BBS1: variants seen among roughly 807,000 people sequenced by gnomAD.
BBS1 encodes the protein Bardet-Biedl syndrome 1.
A neutral mutation model predicts 73.9 loss-of-function variants in BBS1; 60 were observed. The ratio of observed to expected loss-of-function variants is 0.81; its 90% CI spans 0.66 to 1.01. The LOEUF (loss-of-function observed/expected upper bound fraction) is 1.01, where lower values mean the gene tolerates loss of function less well. Ranked by LOEUF, BBS1 falls within the 50% of genes least tolerant of loss-of-function variation. The probability of loss-of-function intolerance (pLI) is 0.00; values close to 1 mark genes in which losing one functional copy is unlikely to be tolerated. For missense variants in BBS1, 718 were observed against 770.3 expected, an observed-to-expected ratio of 0.93 and a Z score of 0.80; for synonymous variants, 283 against 317.4, an observed-to-expected ratio of 0.89 and a Z score of 1.15.
In BBS1 at chr11:66,529,900, G is replaced by C. The variant is rs1467221990; in HGVS notation, c.1421G>C (p.Ser474Thr). 6.2e-7 allele frequency: 1 copy of C among 1,607,564 alleles called. No homozygotes were observed. Among genetic ancestry groups the C allele is most frequent in the Non-Finnish European group, 8.5e-7 (1 of 1,179,888 alleles). Reference protein sequence around the residue: ...ARAYLQALESSLSPLSTTARE... With the variant: ...ARAYLQALESTLSPLSTTARE... ...GCCTACCTGCAGGCCCTCGAGTCCA[G>C]CCTGAGCCCCCTGTCCACGACAGCC... The change falls in exon 14 of 17, where the codon AGC (serine) becomes ACC (threonine). Residue 474 changes from serine (S) to threonine (T), a missense_variant. Physicochemically the swap from Ser to Thr is moderately conservative, Grantham distance 58. Coordinates refer to ENST00000318312, the MANE Select transcript of BBS1 (RefSeq NM_024649.5).
intron 3 of BBS1, among the ~76,000 whole-genome samples, chr11:66,512,020 G>GTGTATATATATGTATATATA (rs1329157159): frequency 2.1e-5 from 3 of 143,284 alleles, no homozygotes; most frequent in African/African-American, 5.2e-5. Context: ...ATATATATAT[G>GTGTATATATATGTATATATA]TGTATATATA....
Position 66,521,254 on chromosome 11 carries a change from C to T in BBS1, c.724-16C>T, listed in dbSNP as rs141332689. The T allele has an allele frequency of 5.7e-4, 921 of 1,602,014 alleles. 2 individuals are homozygous for T. The highest frequency in any genetic ancestry group is 1.0e-3 in the Middle Eastern group (6 of 5,964). ...GGCTCCAGAGAAATTGGAGTGTTTG[C>T]GCTTCTTGTTTGCAGATGAGCCTTC... On this transcript the variant is annotated splice_polypyrimidine_tract_variant and intron_variant, in intron 8 of 16. Coordinates refer to ENST00000318312, the MANE Select transcript of BBS1 (RefSeq NM_024649.5).
intron 11 of BBS1, 152 bp downstream of exon 11, chr11:66,524,034 C>T (rs574584475): frequency 8.7e-7 from 1 of 1,151,338 alleles, no homozygotes; most frequent in Admixed American, 2.0e-5. Flanking sequence ...AATCCCAGCA[C>T]TTTGGGAGGC....
Position 66,526,158 on chromosome 11 carries a change from G to A in BBS1, c.1146G>A (p.Gly382=). The change falls in exon 12 of 17, where the codon GGG becomes GGA. Residue 382 remains glycine, a synonymous_variant. Transcript: ENST00000318312. ...AVTSLCFGRY[G]REDNTLIMTT... ...CCAGCCTTTGCTTTGGCCGGTACGG[G>A]CGGGAGGACAACACCCTCATCATGA... 1 of 1,614,200 alleles carries A rather than the reference G, an allele frequency of 6.2e-7. No individual in the cohort carries two copies. Among genetic ancestry groups the A allele is most frequent in the Non-Finnish European group, 8.5e-7 (1 of 1,180,040 alleles).
At chr11:66,515,485 C>T in intron 4 of BBS1, 55 bp from the exon 5 acceptor site, 1 of 1,592,524 alleles carries the variant, frequency 6.3e-7, no homozygotes, top group South Asian at 1.1e-5. Context: ...GGGGTGTAGA[C>T]ATTGGGTTTC....
At chr11:66,518,529 A>G (rs1272282580) in intron 7 of BBS1, among the ~76,000 whole-genome samples, 1 of 148,374 alleles carries the variant, frequency 6.7e-6, no homozygotes. Flanking sequence ...ACAGTGGTGC[A>G]ATCTTGGCTC....
intron 13 of BBS1, chr11:66,527,147 A>AG (rs1856550178): frequency 1.3e-6 from 1 of 791,666 alleles, no homozygotes; most frequent in South Asian, 1.6e-5. Flanking sequence ...CAGAGGTGGG[A>AG]GGACAGCATG....
chr11:66,524,842 G>A (rs1456497725), intron 11 of BBS1, among the ~76,000 whole-genome samples: 2 of 151,802 alleles, frequency 1.3e-5, no homozygotes, highest in Non-Finnish European at 1.5e-5. Flanking sequence ...TGAGGCAGGC[G>A]ATCACAGTTC....
At chr11:66,526,019 C>A in intron 11 of BBS1, 104 bp from the exon 12 acceptor site, 1 of 977,898 alleles carries the variant, frequency 1.0e-6, no homozygotes, top group Non-Finnish European at 1.6e-6. Context: ...AGGCCTGTCT[C>A]TATCACTTCT....
Position 66,531,106 on chromosome 11 carries a change from C to T in BBS1, c.1608+78C>T, listed in dbSNP as rs892617009. On this transcript the variant is annotated intron_variant, in intron 15 of 16. Transcript: ENST00000318312. The stretch of plus-strand genomic sequence containing the variant: ...CTGATGAGATGCCCACAGAGCCCCG[C>T]CAGGTCAGGGTCAGAGCGTGCGGGT... The T allele has an allele frequency of 4.4e-6, 7 of 1,582,192 alleles. No individual in the cohort carries two copies. The African/African-American group carries it at 9.4e-5, about 21-fold the overall frequency.
At chr11:66,526,968 AC>A in intron 13 of BBS1, 161 bp downstream of exon 13, 1 of 1,553,494 alleles carries the variant, frequency 6.4e-7, no homozygotes, top group Non-Finnish European at 8.7e-7. Flanking sequence ...TAGGAGGTAC[AC>A]GTTGCCTGCA....
In BBS1 at chr11:66,519,649, G is replaced by A; in HGVS notation, c.624G>A (p.Lys208=). 6.2e-7 allele frequency: 1 copy of A among 1,613,870 alleles called. No individual in the cohort carries two copies. Among genetic ancestry groups the A allele is most frequent in the Non-Finnish European group, 8.5e-7 (1 of 1,179,964 alleles). ...TCACCACCATGACCACCTTGAAGAA[G>A]AACCTGGCTGACGAGGATGCTGTGT... is the stretch of plus-strand genomic sequence containing the variant. The part of the protein sequence containing the change: ...TVITTMTTLK[K]NLADEDAVSC... The change falls in exon 8 of 17, where the codon AAG becomes AAA. Residue 208 remains lysine, a synonymous_variant. Transcript: ENST00000318312.
chr11:66,533,521 A>T lies in BBS1; in HGVS notation c.*1484A>T, dbSNP rs1261159522. On this transcript the variant is annotated 3_prime_UTR_variant, in exon 17 of 17. Coordinates refer to ENST00000318312, the MANE Select transcript of BBS1 (RefSeq NM_024649.5). ...CTAGTTATTAGGTTAAAAAATACTCAGATTACTATTTCTATTACTATGTGA... is the reference window on the plus strand; with the variant it reads ...CTAGTTATTAGGTTAAAAAATACTCTGATTACTATTTCTATTACTATGTGA... The T allele has an allele frequency of 6.6e-6, 1 of 152,258 alleles. No individual in the cohort carries two copies. The highest frequency in any genetic ancestry group is 1.5e-5 in the Non-Finnish European group (1 of 68,042). The allele number at this position is 152,258 out of a possible 1,614,324, so 9.4% of individuals were successfully genotyped here.
chr11:66,512,018 A>G (rs919373831), intron 3 of BBS1, among the ~76,000 whole-genome samples: 23 of 144,260 alleles, frequency 1.6e-4, no homozygotes, highest in African/African-American at 5.8e-4. Context: ...ATATATATAT[A>G]TGTGTATATA....
At chr11:66,524,425 G>C (rs1184649051) in intron 11 of BBS1, 1 of 204,512 alleles carries the variant, frequency 4.9e-6, no homozygotes, top group Non-Finnish European at 1.0e-5. Flanking sequence ...AAATTTAAAA[G>C]GGCCGACTGA....
intron 13 of BBS1, chr11:66,529,440 C>G (rs1415224095): frequency 1.2e-6 from 1 of 842,272 alleles, no homozygotes; most frequent in Non-Finnish European, 2.0e-6. Flanking sequence ...GCGTGGACAC[C>G]AAGGACTCCT....
intron 13 of BBS1, 76 bp from the exon 14 acceptor site, chr11:66,529,743 G>A (rs1256846203): frequency 2.5e-6 from 4 of 1,573,472 alleles, no homozygotes; most frequent in South Asian, 1.1e-5. Context: ...ACCAACCTGA[G>A]CAGGAGTGCC....
At chr11:66,517,588 C>G (rs1258597196) in intron 7 of BBS1, among the ~76,000 whole-genome samples, 1 of 151,674 alleles carries the variant, frequency 6.6e-6, no homozygotes, top group African/African-American at 2.4e-5. Flanking sequence ...CTGCCTCAGC[C>G]TCCCAAGTAG....
intron 9 of BBS1, chr11:66,523,133 G>A: frequency 2.0e-6 from 1 of 499,338 alleles, no homozygotes; most frequent in Non-Finnish European, 3.9e-6. Context: ...GGCTAGTCCA[G>A]CCAAAGGTAA....
Sources: gnomAD v4.1 joint callset for allele counts (sites outside exome capture counted in the v4.1 genomes callset) on GRCh38, gnomAD v4.1.1 for gene constraint, MANE v1.5 for transcripts, NCBI Gene and HGNC (gene_info 2026-07-23, HGNC 2026-07-21) for gene names.